Variants in TRAPPC9 observed in about 807,000 individuals in gnomAD.
TRAPPC9 encodes IKK2 binding protein.
In TRAPPC9, 83 loss-of-function variants were observed where a neutral mutation model predicts 124.0. That is an observed-to-expected ratio of 0.67 (90% CI 0.56 to 0.80). The LOEUF is 0.80. Ranked by LOEUF, TRAPPC9 falls within the 30% of genes least tolerant of loss-of-function variation. The pLI, the probability that TRAPPC9 is intolerant of heterozygous loss-of-function variation, is 0.00. For missense variants in TRAPPC9, 1,302 were observed against 1,508.3 expected (o/e 0.86, Z 2.27); for synonymous variants, 638 against 617.5 (o/e 1.03, Z -0.49).
chr8:139,892,257 C>T (rs1249817825), intron 20 of TRAPPC9, among the ~76,000 whole-genome samples: 2 of 152,236 alleles, frequency 1.3e-5, no homozygotes, highest in East Asian at 1.9e-4. Context: ...CCATGTAGTA[C>T]CCAAGGGACA....
At chr8:140,197,855 T>C (rs1205674425) in intron 17 of TRAPPC9, among the ~76,000 whole-genome samples, 1 of 152,188 alleles carries the variant, frequency 6.6e-6, no homozygotes, top group African/African-American at 2.4e-5. Context: ...GAGCCTTTCC[T>C]TGACACTCCC....
At chr8:140,002,185 C>CA (rs1385264260) in intron 18 of TRAPPC9, among the ~76,000 whole-genome samples, 1 of 150,378 alleles carries the variant, frequency 6.6e-6, no homozygotes, top group African/African-American at 2.4e-5. Flanking sequence ...TTTTTGATAC[C>CA]AAAAAAAGCA....
At chr8:140,235,539 T>A (rs2063711182) in intron 16 of TRAPPC9, among the ~76,000 whole-genome samples, 1 of 152,212 alleles carries the variant, frequency 6.6e-6, no homozygotes, top group Admixed American at 6.5e-5. Flanking sequence ...ATATAACAGA[T>A]GTGCAACATC....
intron 16 of TRAPPC9, among the ~76,000 whole-genome samples, chr8:140,244,122 T>C (rs1477192929): frequency 6.6e-6 from 1 of 152,200 alleles, no homozygotes; most frequent in Non-Finnish European, 1.5e-5. Flanking sequence ...GCAGAAAAAC[T>C]GTCTTCCACA....
chr8:139,995,177 A>G (rs751059508), intron 18 of TRAPPC9, among the ~76,000 whole-genome samples: 2 of 152,184 alleles, frequency 1.3e-5, no homozygotes, highest in Non-Finnish European at 2.9e-5. Flanking sequence ...AGTGAGCTGC[A>G]TCTCTCTCCA....
intron 15 of TRAPPC9, among the ~76,000 whole-genome samples, chr8:140,255,114 AC>A (rs1437518839): frequency 6.6e-6 from 1 of 152,238 alleles, no homozygotes; most frequent in Admixed American, 6.5e-5. Flanking sequence ...CGTCTGACAG[AC>A]GGCGTTTATG....
chr8:140,374,790 G>A (rs147632014), intron 7 of TRAPPC9, among the ~76,000 whole-genome samples: 1,811 of 152,266 alleles, frequency 0.012, 21 homozygotes, highest in Non-Finnish European at 0.017. Context: ...GACAGCCGGG[G>A]AAGGTCACAT....
intron 16 of TRAPPC9, among the ~76,000 whole-genome samples, chr8:140,237,708 C>G (rs1315716955): frequency 6.6e-6 from 1 of 152,030 alleles, no homozygotes; most frequent in Non-Finnish European, 1.5e-5. Flanking sequence ...CGGGCAGGCC[C>G]CAGGAAAGGT....
intron 21 of TRAPPC9, among the ~76,000 whole-genome samples, chr8:139,817,967 A>G (rs1824971543): frequency 6.6e-6 from 1 of 152,170 alleles, no homozygotes. Context: ...GAATTAATCC[A>G]CTTCAGTTCC....
chr8:140,232,332 G>C (rs1378202481), intron 16 of TRAPPC9, among the ~76,000 whole-genome samples: 6 of 152,020 alleles, frequency 3.9e-5, no homozygotes, highest in Admixed American at 3.9e-4. Flanking sequence ...CAGAAGGCAG[G>C]TAACTTCTTG....
chr8:140,196,454 C>T (rs1227601226), intron 17 of TRAPPC9, among the ~76,000 whole-genome samples: 13 of 68,700 alleles, frequency 1.9e-4, no homozygotes, highest in African/African-American at 5.8e-4. Context: ...ACACACTCAA[C>T]GATCCACCAT....
intron 17 of TRAPPC9, among the ~76,000 whole-genome samples, chr8:140,125,052 T>G (rs897085705): frequency 2.0e-5 from 3 of 152,152 alleles, no homozygotes; most frequent in African/African-American, 7.2e-5. Flanking sequence ...CTCTTCACAT[T>G]CTTCAAAGAG....
At chr8:140,293,847 C>T (rs2065732004) in intron 11 of TRAPPC9, among the ~76,000 whole-genome samples, 1 of 151,666 alleles carries the variant, frequency 6.6e-6, no homozygotes, top group South Asian at 2.1e-4. Flanking sequence ...CACATGTACC[C>T]TAAAACTTAA....
chr8:140,119,526 C>T (rs574706232), intron 17 of TRAPPC9, among the ~76,000 whole-genome samples: 1 of 152,312 alleles, frequency 6.6e-6, no homozygotes, highest in South Asian at 2.1e-4. Flanking sequence ...GTACAACTCC[C>T]AGCCACCCTC....
chr8:140,182,446 T>C lies in TRAPPC9; in HGVS notation c.2556+39013A>G, dbSNP rs928055841. Among the ~76,000 whole-genome samples the C allele has an allele frequency of 7.9e-5, 12 of 152,232 alleles. No homozygotes were observed. Among genetic ancestry groups the C allele is most frequent in the African/African-American group, 1.7e-4 (7 of 41,538 alleles). On this transcript the variant is annotated intron_variant, in intron 17 of 22. Transcript: ENST00000438773. This position sits in a 1 kb window ranked among gnomAD's most constrained non-coding sequence, Gnocchi z 4.0. ...GCCGCTTCCCAAAGCTGTTATTCGATAGACAGAAAACAGCTTCACTACTGA... is the reference window on the plus strand; with the variant it reads ...GCCGCTTCCCAAAGCTGTTATTCGACAGACAGAAAACAGCTTCACTACTGA...
At chr8:140,269,657 A>G (rs1188560189) in intron 15 of TRAPPC9, among the ~76,000 whole-genome samples, 1 of 152,230 alleles carries the variant, frequency 6.6e-6, no homozygotes, top group African/African-American at 2.4e-5. Context: ...CAAAATGTTC[A>G]TTACAGTACC....
At chr8:139,810,763 G>A (rs1396377902) in intron 21 of TRAPPC9, among the ~76,000 whole-genome samples, 1 of 152,138 alleles carries the variant, frequency 6.6e-6, no homozygotes, top group Non-Finnish European at 1.5e-5. Context: ...CCTGAATGCT[G>A]GCAGTGAGAT....
At chr8:140,445,015 A>C (rs1326412850) in intron 2 of TRAPPC9, among the ~76,000 whole-genome samples, 1 of 152,088 alleles carries the variant, frequency 6.6e-6, no homozygotes, top group African/African-American at 2.4e-5. Context: ...CACAGGCTAC[A>C]TACTGCCAAC....
At chr8:140,101,081 C>T (rs11990695) in intron 17 of TRAPPC9, among the ~76,000 whole-genome samples, 8,826 of 152,250 alleles carry the variant, frequency 0.058, 517 homozygotes, top group African/African-American at 0.15. Context: ...TCTTATTTGT[C>T]CTTCCTCTTC....
Sources: gnomAD v4.1 joint callset for allele counts (sites outside exome capture counted in the v4.1 genomes callset) on GRCh38, gnomAD v4.1.1 for gene constraint, Gnocchi (gnomAD v3.1) non-coding constraint, MANE v1.5 for transcripts, NCBI Gene and HGNC (gene_info 2026-07-23, HGNC 2026-07-21) for gene names.